The following PIEZO1 variants were observed in gnomAD, a reference collection of about 807,000 sequenced individuals.
PIEZO1 encodes the protein piezo-type mechanosensitive ion channel component 1.
Under a neutral mutation model 297.2 loss-of-function variants are expected in PIEZO1, and 296 were observed. That is an observed-to-expected ratio of 1.00 (90% CI 0.91 to 1.10). The LOEUF (loss-of-function observed/expected upper bound fraction) is 1.10. Among genes scored for constraint, PIEZO1 ranks in the 50% least tolerant of loss-of-function variants. The probability of loss-of-function intolerance (pLI) is 0.00; values close to 1 mark genes in which losing one functional copy is unlikely to be tolerated. For synonymous variants in PIEZO1, 2,427 were observed against 1,507.5 expected, an observed-to-expected ratio of 1.61 and a Z score of -14.13; for missense variants, 5,018 against 3,455.5, an observed-to-expected ratio of 1.45 and a Z score of -11.34.
rs1478095097 is a variant in PIEZO1 at position 88,721,979 on chromosome 16, C to G, written c.5043G>C (p.Gln1681His). The G allele has an allele frequency of 1.9e-6, 3 of 1,549,984 alleles. No homozygotes were observed. The highest frequency in any genetic ancestry group is 2.6e-6 in the Non-Finnish European group (3 of 1,146,812). ...GCAGCTCCGAGTGGGCGGCCACACA[C>G]TGGTACACGGCCCGCAGCAGCCGCA... ...RALRLLRAVY[Q>H]CVAAHSELLC... Residue 1681 changes from glutamine (Q) to histidine (H), a missense_variant, in exon 37 of 51, where the codon CAG (glutamine) becomes CAC (histidine). Physicochemically the swap from Gln to His is conservative, Grantham distance 24 (BLOSUM62 0). Coordinates refer to ENST00000301015, the MANE Select transcript of PIEZO1 (RefSeq NM_001142864.4).
In PIEZO1 at chr16:88,716,104, T is replaced by C. The variant is rs1912005335; in HGVS notation, c.7145A>G (p.Tyr2382Cys). The C allele has an allele frequency of 1.9e-6, 3 of 1,546,316 alleles. No individual in the cohort carries two copies. In the Admixed American group the frequency reaches 5.9e-5, roughly 30 times the overall value. ...KQLQPNEEAD[Y>C]LGVRIQLRRE... is the part of the protein sequence containing the mutation. Reference sequence around the variant, plus strand: ...CCGCAGCTGGATACGCACGCCGAGGTAGTCGGCCTCCTCATCTGGGATGGA... The same window carrying C: ...CCGCAGCTGGATACGCACGCCGAGGCAGTCGGCCTCCTCATCTGGGATGGA... Residue 2382 changes from tyrosine to cysteine, a missense_variant, in exon 50 of 51, where the codon TAC becomes TGC. Physicochemically the swap from Tyr to Cys is radical, Grantham distance 194 (BLOSUM62 -2). Transcript: ENST00000301015.
chr16:88,784,148 G>T (rs925192494), intron 1 of PIEZO1, among the ~76,000 whole-genome samples: 1 of 152,222 alleles, frequency 6.6e-6, no homozygotes, highest in African/African-American at 2.4e-5. Flanking sequence ...ACCACTGCCC[G>T]GCAAGCAGGG....
chr16:88,716,271 G>T lies in PIEZO1; in HGVS notation c.7056C>A (p.Ile2352=), dbSNP rs1300437683. ...LEGTSDQSVV[I]PNLFPKYIRA... ...GGATGTACTTGGGGAAGAGATTAGG[G>T]ATGACCCTGCAGGGAGGTGCTGGCA... The change falls in exon 49 of 51, where the codon ATC becomes ATA. Residue 2352 remains isoleucine (I), a synonymous_variant. Coordinates refer to ENST00000301015, the MANE Select transcript of PIEZO1 (RefSeq NM_001142864.4). The T allele has an allele frequency of 6.7e-7, 1 of 1,491,422 alleles. No individual in the cohort carries two copies. Among genetic ancestry groups the T allele is most frequent in the Non-Finnish European group, 9.0e-7 (1 of 1,115,726 alleles). The allele number at this position is 1,491,422 out of a possible 1,614,324, so 92.4% of individuals were successfully genotyped here.
chr16:88,721,559 G>A lies in PIEZO1; in HGVS notation c.5382C>T (p.Phe1794=), dbSNP rs1912454874. 1.9e-6 allele frequency: 3 copies of A among 1,549,662 alleles called. No homozygotes were observed. Among genetic ancestry groups the A allele is most frequent in the East Asian group, 2.4e-5 (1 of 40,910 alleles). ...TCACCAGCAGCTGGGAGCGGTGGAA[G>A]AAAAGGGCCATGAGCTGCACCAGGT... ...KYDLVQLMAL[F]FHRSQLLCYG... is the part of the protein sequence containing the mutation. Residue 1794 remains phenylalanine (F), a synonymous_variant, in exon 38 of 51, where the codon TTC becomes TTT. Transcript: ENST00000301015.
rs1906278068 is a variant in PIEZO1 at position 88,749,578 on chromosome 16, G to T, written c.65-99C>A. On this transcript the variant is annotated intron_variant, in intron 1 of 50. Transcript: ENST00000301015. ...CGGCCCAGCTCGTCACACCGCCGAG[G>T]CCGTGTGCCCTGTGAGTGCTGCCCT... 4.4e-6 allele frequency: 4 copies of T among 917,546 alleles called. No individual in the cohort carries two copies. The South Asian group carries it at 6.4e-5, about 15-fold the overall frequency. 56.8% of individuals were successfully genotyped at this position (917,546 alleles called of 1,614,324 possible).
intron 31 of PIEZO1, among the ~76,000 whole-genome samples, 157 bp from the exon 32 acceptor site, chr16:88,723,485 G>C (rs1277464980): frequency 6.6e-6 from 1 of 152,270 alleles, no homozygotes; most frequent in Non-Finnish European, 1.5e-5. Flanking sequence ...GGGACCCTGA[G>C]GGGCTGTGGG....
At position 88,715,487 on chromosome 16, in the gene PIEZO1, C is replaced by T; in HGVS notation, c.*118G>A. The stretch of plus-strand genomic sequence containing the variant: ...AGGGCTCAGGCAGGCCGGGAGGATG[C>T]ATCACAGCTGGCGGCCTTGGACGGG... On this transcript the variant is annotated 3_prime_UTR_variant, in exon 51 of 51. Transcript: ENST00000301015. 9 of 1,100,610 alleles carry T rather than the reference C, an allele frequency of 8.2e-6. No individual in the cohort carries two copies. The South Asian group carries it at 9.1e-5, about 11-fold the overall frequency. The allele number at this position is 1,100,610 out of a possible 1,614,324, so 68.2% of individuals were successfully genotyped here.
rs371136815 is a variant in PIEZO1, at chr16:88,734,132, G to A, written c.2181-78C>T. Reference sequence around the variant, plus strand: ...TCCTGGGGCTGGAAGAAGCCCTGTCGGCACCGCTTCTGCTGCAGCTGCCAG... The same window carrying A: ...TCCTGGGGCTGGAAGAAGCCCTGTCAGCACCGCTTCTGCTGCAGCTGCCAG... On this transcript the variant is annotated intron_variant, in intron 16 of 50. Coordinates refer to ENST00000301015, the MANE Select transcript of PIEZO1 (RefSeq NM_001142864.4). 1,662 of 1,441,884 alleles carry A rather than the reference G, an allele frequency of 1.2e-3. 15 individuals are homozygous for A. The African/African-American group carries it at 0.021, about 18-fold the overall frequency. The allele number at this position is 1,441,884 out of a possible 1,614,324, so 89.3% of individuals were successfully genotyped here.
rs78574543 is a variant in PIEZO1 at position 88,721,373 on chromosome 16, C to T, written c.5461G>A (p.Gly1821Ser). ...TCCTCGGCTCCCTGCTCCTCCTCGC[C>T]GCTCTTGTCATGCTCCTTGGATGGT... ...DSPSKEHDKS[G>S]EEEQGAEEGP... is the part of the protein sequence containing the mutation. Residue 1821 changes from glycine to serine, a missense_variant, in exon 39 of 51, where the codon GGC becomes AGC. Transcript: ENST00000301015. 8,460 of 1,549,732 alleles carry T rather than the reference C, an allele frequency of 5.5e-3. 172 individuals are homozygous for T. The highest frequency in any genetic ancestry group is 0.054 in the East Asian group (2,197 of 40,892).
chr16:88,776,869 G>A (rs1176918245), intron 1 of PIEZO1, among the ~76,000 whole-genome samples: 1 of 152,246 alleles, frequency 6.6e-6, no homozygotes, highest in Non-Finnish European at 1.5e-5. Context: ...AGAGGGGAAT[G>A]TGTGTGCTCA....
chr16:88,783,061 T>A (rs1440943534), intron 1 of PIEZO1, among the ~76,000 whole-genome samples: 2 of 152,240 alleles, frequency 1.3e-5, no homozygotes, highest in African/African-American at 4.8e-5. Context: ...CAGTCAGTCA[T>A]CACTATTCTT....
In PIEZO1 at chr16:88,722,346, G is replaced by A. The variant is rs994593851; in HGVS notation, c.4827C>T (p.Ser1609=). 10 of 1,536,920 alleles carry A rather than the reference G, an allele frequency of 6.5e-6. No homozygotes were observed. The South Asian group carries it at 8.5e-5, about 13-fold the overall frequency. The change falls in exon 36 of 51, where the codon AGC becomes AGT. Residue 1609 remains serine (S), a synonymous_variant. Coordinates refer to ENST00000301015, the MANE Select transcript of PIEZO1 (RefSeq NM_001142864.4). ...GCGTGTGGTAGCCGGTGCTCAGGGG[G>A]CTGCCCATGTCGTCTGTCATGCTGC... ...PLSSMTDDMG[S]PLSTGYHTRS... is the part of the protein sequence containing the mutation.
At chr16:88,737,355 G>A (rs1441171124) in intron 10 of PIEZO1, 2 of 547,620 alleles carry the variant, frequency 3.7e-6, no homozygotes, top group East Asian at 3.2e-5. Context: ...GGTCTTGGGG[G>A]TTGGTCAGTG....
chr16:88,715,806 C>T lies in PIEZO1; in HGVS notation c.7365G>A (p.Val2455=), dbSNP rs201019404. The T allele has an allele frequency of 1.1e-4, 163 of 1,550,344 alleles. 1 individual carries two copies. The highest frequency in any genetic ancestry group is 5.9e-5 in the South Asian group (5 of 84,064). ...VSIVLVIGKF[V]RGFFSEISHS... is the part of the protein sequence containing the mutation. Reference sequence around the variant, plus strand: ...GCGAGATCTCGCTGAAGAATCCGCGCACGAACTTGCCGATGACCAGCACGA... The same window carrying T: ...GCGAGATCTCGCTGAAGAATCCGCGTACGAACTTGCCGATGACCAGCACGA... Residue 2455 remains valine, a synonymous_variant, in exon 51 of 51, where the codon GTG becomes GTA. Coordinates refer to ENST00000301015, the MANE Select transcript of PIEZO1 (RefSeq NM_001142864.4).
intron 1 of PIEZO1, among the ~76,000 whole-genome samples, chr16:88,757,474 A>G (rs947339128): frequency 1.3e-4 from 20 of 151,798 alleles, no homozygotes; most frequent in African/African-American, 4.4e-4. Context: ...CCTAGGAGAC[A>G]GGAGAGGGAC....
intron 1 of PIEZO1, among the ~76,000 whole-genome samples, chr16:88,771,493 G>A (rs961697534): frequency 1.3e-5 from 2 of 152,226 alleles, no homozygotes; most frequent in Admixed American, 1.3e-4. Context: ...CTTGACTGGG[G>A]GCTCGGCTCC....
chr16:88,730,109 G>A (rs1904701234), intron 22 of PIEZO1, among the ~76,000 whole-genome samples: 2 of 152,260 alleles, frequency 1.3e-5, no homozygotes, highest in Admixed American at 6.5e-5. Context: ...GAAAGCAGAT[G>A]TTTCAACAAG....
At position 88,726,388 on chromosome 16, in the gene PIEZO1, G is replaced by A. The variant is rs1453042433; in HGVS notation, c.3864C>T (p.Asp1288=). The change falls in exon 27 of 51, where the codon GAC becomes GAT. Residue 1288 remains aspartate (D), a synonymous_variant. Coordinates refer to ENST00000301015, the MANE Select transcript of PIEZO1 (RefSeq NM_001142864.4). ...LPVEEAGIIW[D]SVCFFFLLLQ... is the part of the protein sequence containing the mutation. ...GCAGCAGGAAGAAGAAGCAGACGCT[G>A]TCCCAGATGATGCCAGCCTCCTCCA... is the stretch of plus-strand genomic sequence containing the variant. 3 of 1,550,468 alleles carry A rather than the reference G, an allele frequency of 1.9e-6. No homozygotes were observed. Among genetic ancestry groups the A allele is most frequent in the Non-Finnish European group, 2.6e-6 (3 of 1,146,910 alleles).
chr16:88,738,232 C>T lies in PIEZO1; in HGVS notation c.843G>A (p.Trp281Ter). Residue 281 changes from tryptophan (W) to a stop codon, truncating the protein, a stop_gained, in exon 7 of 51, where the codon TGG (tryptophan) becomes TGA (stop). Coordinates refer to ENST00000301015, the MANE Select transcript of PIEZO1 (RefSeq NM_001142864.4). LOFTEE classifies it high-confidence loss of function. ...GCTGTGTGGCAAGCCGTTACCTAGC[C>T]CAGATGCCGGCAGGCGGGAGCAGAG... Reference protein sequence around the residue: ...AQALLPPAGIWARVLGLKDFV... With the variant: ...AQALLPPAGI 6.5e-7 allele frequency: 1 copy of T among 1,535,792 alleles called. No homozygotes were observed. The highest frequency in any genetic ancestry group is 1.4e-5 in the African/African-American group (1 of 73,188).
Sources: gnomAD v4.1 joint callset for allele counts (sites outside exome capture counted in the v4.1 genomes callset) on GRCh38, gnomAD v4.1.1 for gene constraint, MANE v1.5 for transcripts, NCBI Gene and HGNC (gene_info 2026-07-23, HGNC 2026-07-21) for gene names.